Variants in CTNND2 observed in about 807,000 individuals in gnomAD.
CTNND2 encodes catenin delta-2.
A neutral mutation model predicts 144.4 loss-of-function variants in CTNND2; 22 were observed. The observed-to-expected ratio is 0.15, with a 90% confidence interval of 0.11 to 0.22. The LOEUF is 0.22. Ranked by LOEUF, CTNND2 falls within the 10% of genes least tolerant of loss-of-function variation. The probability of loss-of-function intolerance (pLI) is 1.00; values close to 1 mark genes in which losing one functional copy is unlikely to be tolerated. For synonymous variants in CTNND2, 751 were observed against 695.6 expected, an observed-to-expected ratio of 1.08 and a Z score of -1.25; for missense variants, 1,353 against 1,618.8, an observed-to-expected ratio of 0.84 and a Z score of 2.82.
intron 1 of CTNND2, among the ~76,000 whole-genome samples, chr5:11,733,399 T>C (rs1787504885): frequency 6.6e-6 from 1 of 152,092 alleles, no homozygotes; most frequent in Admixed American, 6.6e-5. Flanking sequence ...GCTTGGCGTG[T>C]ATGGGAAAAA....
At chr5:11,532,945 T>G (rs894028894) in intron 3 of CTNND2, among the ~76,000 whole-genome samples, 1 of 152,170 alleles carries the variant, frequency 6.6e-6, no homozygotes, top group Admixed American at 6.5e-5. Context: ...AAAAGAAGTA[T>G]GCAATTCAGA....
intron 11 of CTNND2, among the ~76,000 whole-genome samples, chr5:11,185,090 T>C (rs914436632): frequency 2.6e-5 from 4 of 152,216 alleles, no homozygotes; most frequent in African/African-American, 9.6e-5. Flanking sequence ...TTTGCCCCTG[T>C]AACCTTCGTG....
At chr5:11,465,042 C>A (rs954625374) in intron 3 of CTNND2, among the ~76,000 whole-genome samples, 1 of 152,164 alleles carries the variant, frequency 6.6e-6, no homozygotes, top group Admixed American at 6.5e-5. Flanking sequence ...TTCCCCTCCC[C>A]CTAGCCCAAG....
At chr5:11,448,205 C>T (rs1764996433) in intron 3 of CTNND2, among the ~76,000 whole-genome samples, 1 of 152,158 alleles carries the variant, frequency 6.6e-6, no homozygotes, top group Non-Finnish European at 1.5e-5. Flanking sequence ...TTACACAAAA[C>T]TAATGAGAAT....
At chr5:11,737,729 T>C (rs1787770762) in intron 1 of CTNND2, among the ~76,000 whole-genome samples, 1 of 152,100 alleles carries the variant, frequency 6.6e-6, no homozygotes, top group African/African-American at 2.4e-5. Context: ...TAAGGTTAAA[T>C]GGGGTCACAG....
In CTNND2 at chr5:11,082,744, T is replaced by C; in HGVS notation, c.2740A>G (p.Thr914Ala). 6.2e-7 allele frequency: 1 copy of C among 1,614,212 alleles called. No homozygotes were observed. The highest frequency in any genetic ancestry group is 8.5e-7 in the Non-Finnish European group (1 of 1,180,034). Residue 914 changes from threonine to alanine, a missense_variant, in exon 16 of 22, where the codon ACT becomes GCT. This residue lies in a region of CTNND2 where 459 missense variants were observed against 674.3 expected (regional missense o/e 0.68). Transcript: ENST00000304623. ...DNDRVVCAVA[T>A]ALRNMALDVR... ...TCCAAGGCCATGTTCCGCAGCGCAG[T>C]GGCCACCGCGCACACCACACGGTCA...
At chr5:11,577,730 T>A (rs1015114687) in intron 2 of CTNND2, among the ~76,000 whole-genome samples, 2 of 152,224 alleles carry the variant, frequency 1.3e-5, no homozygotes, top group Admixed American at 6.5e-5. Flanking sequence ...TCAACAATGA[T>A]CCTAATTTTC....
chr5:11,758,575 AG>A (rs2126800448), intron 1 of CTNND2, among the ~76,000 whole-genome samples: 1 of 152,138 alleles, frequency 6.6e-6, no homozygotes, highest in East Asian at 1.9e-4. Flanking sequence ...TTATCTTCCA[AG>A]AGACCATGCT....
In CTNND2 at chr5:11,877,358, T is replaced by G. The variant is rs116741043; in HGVS notation, c.37+26459A>C. Among the ~76,000 whole-genome samples the G allele has an allele frequency of 5.2e-3, 797 of 152,266 alleles. 4 individuals carry two copies. The highest frequency in any genetic ancestry group is 0.018 in the African/African-American group (765 of 41,570). On this transcript the variant is annotated intron_variant, in intron 1 of 21. Coordinates refer to ENST00000304623, the MANE Select transcript of CTNND2 (RefSeq NM_001332.4). ...CCCTCTGTGTACTAAACTAGCTATATTCTTTGAGTTTTGCTATTTGCTGTT... is the reference window on the plus strand; with the variant it reads ...CCCTCTGTGTACTAAACTAGCTATAGTCTTTGAGTTTTGCTATTTGCTGTT...
chr5:10,976,177 G>C (rs1736455546), intron 21 of CTNND2, among the ~76,000 whole-genome samples: 1 of 127,666 alleles, frequency 7.8e-6, no homozygotes, highest in Admixed American at 8.5e-5. Flanking sequence ...GTGGTATCTT[G>C]TGGTATTTGC....
intron 1 of CTNND2, among the ~76,000 whole-genome samples, chr5:11,862,600 T>C (rs982818293): frequency 6.6e-6 from 1 of 152,178 alleles, no homozygotes; most frequent in Non-Finnish European, 1.5e-5. Context: ...TCCTAAAAGG[T>C]TGATATTTTT....
At chr5:11,404,599 A>AT (rs1405789135) in intron 5 of CTNND2, among the ~76,000 whole-genome samples, 35 of 32,786 alleles carry the variant, frequency 1.1e-3, no homozygotes, top group East Asian at 4.9e-3. Context: ...CAGTATCTGT[A>AT]TTCTTTTTTT....
At chr5:11,608,484 G>A (rs1780169637) in intron 2 of CTNND2, among the ~76,000 whole-genome samples, 1 of 152,012 alleles carries the variant, frequency 6.6e-6, no homozygotes, top group Admixed American at 6.6e-5. Flanking sequence ...CTTTGTAAAT[G>A]GTACCACCAG....
At chr5:11,492,505 ATGTGTGTGTGTGTGTG>A (rs33995105) in intron 3 of CTNND2, among the ~76,000 whole-genome samples, 1 of 140,356 alleles carries the variant, frequency 7.1e-6, no homozygotes, top group Non-Finnish European at 1.5e-5. Context: ...ATATATATAT[ATGTGTGTGTGTGTGTG>A]TGTGTGTGTG....
chr5:11,017,910 G>C, intron 18 of CTNND2, 64 bp downstream of exon 18: 2 of 1,286,092 alleles, frequency 1.6e-6, no homozygotes, highest in Non-Finnish European at 2.3e-6. Context: ...CTCCACGTCT[G>C]TGACGCCTCT....
chr5:11,892,525 G>A (rs1737053020), intron 1 of CTNND2, among the ~76,000 whole-genome samples: 1 of 151,994 alleles, frequency 6.6e-6, no homozygotes, highest in African/African-American at 2.4e-5. Flanking sequence ...CTATAGCAAA[G>A]AAGAAATATT....
At chr5:11,260,882 T>G (rs1254728139) in intron 9 of CTNND2, among the ~76,000 whole-genome samples, 1 of 152,006 alleles carries the variant, frequency 6.6e-6, no homozygotes, top group African/African-American at 2.4e-5. Context: ...AATAGATGAG[T>G]TGGTGAGTAA....
chr5:11,132,950 A>G (rs1249082363), intron 12 of CTNND2, among the ~76,000 whole-genome samples: 1 of 147,726 alleles, frequency 6.8e-6, no homozygotes, highest in Non-Finnish European at 1.5e-5. Flanking sequence ...AAAGAACAAG[A>G]CAAATGTTAG....
intron 11 of CTNND2, among the ~76,000 whole-genome samples, chr5:11,190,513 A>G (rs1168568243): frequency 6.6e-6 from 1 of 152,236 alleles, no homozygotes; most frequent in Admixed American, 6.5e-5. Context: ...CAATGTGGCT[A>G]AAAGGCCTGG....
Sources: allele counts gnomAD v4.1 joint callset (sites outside exome capture counted in the v4.1 genomes callset), GRCh38; gene constraint gnomAD v4.1.1; regional missense constraint gnomAD v4.1.1; transcripts MANE v1.5; gene names NCBI Gene and HGNC (gene_info 2026-07-23, HGNC 2026-07-21).